GALNTL6: variants seen among roughly 807,000 people sequenced by gnomAD.
GALNTL6 encodes polypeptide N-acetylgalactosaminyltransferase like 6.
A neutral mutation model predicts 73.7 loss-of-function variants in GALNTL6; 46 were observed. The ratio of observed to expected loss-of-function variants is 0.62; its 90% confidence interval spans 0.49 to 0.80. The LOEUF (loss-of-function observed/expected upper bound fraction) is 0.80, where lower values mean the gene tolerates loss of function less well. Ranked by LOEUF, GALNTL6 falls within the 30% of genes least tolerant of loss-of-function variation. The probability of loss-of-function intolerance (pLI) is 0.00; values close to 1 mark genes in which losing one functional copy is unlikely to be tolerated. For missense variants in GALNTL6, 604 were observed against 755.0 expected (o/e 0.80, Z 2.34); for synonymous variants, 259 against 263.7 (o/e 0.98, Z 0.17).
chr4:171,846,147 T>C (rs1270765584), intron 2 of GALNTL6, among the ~76,000 whole-genome samples: 3 of 152,216 alleles, frequency 2.0e-5, no homozygotes, highest in South Asian at 4.1e-4. Context: ...TTTCCCATCA[T>C]GTCAGTATAG....
chr4:172,727,811 T>A (rs988162969), intron 5 of GALNTL6, among the ~76,000 whole-genome samples: 5 of 151,900 alleles, frequency 3.3e-5, no homozygotes, highest in Non-Finnish European at 7.4e-5. Flanking sequence ...AAAATGTTTT[T>A]AAATATTTTT....
intron 7 of GALNTL6, among the ~76,000 whole-genome samples, chr4:172,878,496 G>T (rs1745298059): frequency 1.3e-5 from 2 of 151,748 alleles, no homozygotes; most frequent in Non-Finnish European, 3.0e-5. Flanking sequence ...TGGGGGAAGA[G>T]AAATAGAGCC....
chr4:172,972,982 C>T (rs923339339), intron 10 of GALNTL6, among the ~76,000 whole-genome samples: 3 of 152,172 alleles, frequency 2.0e-5, no homozygotes, highest in African/African-American at 7.2e-5. Context: ...TAAAGGGAAA[C>T]AAGCATTTGT....
intron 5 of GALNTL6, among the ~76,000 whole-genome samples, chr4:172,363,351 T>C (rs1421348700): frequency 6.6e-6 from 1 of 152,174 alleles, no homozygotes; most frequent in Non-Finnish European, 1.5e-5. Context: ...ACCTGCCACG[T>C]CAGGCTACGC....
rs116185561 is a variant in GALNTL6, at chr4:172,268,257, C to T, written c.247+38493C>T. On this transcript the variant is annotated intron_variant, in intron 3 of 12. Transcript: ENST00000506823. The stretch of plus-strand genomic sequence containing the variant: ...CAAGTTGGTTTATCTGGGAAGCTGA[C>T]TGAGAGAAAGATTGGCATGCAGGAG... Among the ~76,000 whole-genome samples the T allele has an allele frequency of 2.7e-3, 413 of 152,250 alleles. 2 individuals carry two copies. Among genetic ancestry groups the T allele is most frequent in the African/African-American group, 9.4e-3 (391 of 41,548 alleles).
chr4:171,870,444 C>G (rs970199152), intron 2 of GALNTL6, among the ~76,000 whole-genome samples: 3 of 152,210 alleles, frequency 2.0e-5, no homozygotes, highest in African/African-American at 7.2e-5. Flanking sequence ...CAAACATAAG[C>G]TCCTATCTAG....
chr4:172,081,955 C>A (rs1450750848), intron 2 of GALNTL6, among the ~76,000 whole-genome samples: 2 of 151,496 alleles, frequency 1.3e-5, no homozygotes, highest in African/African-American at 4.9e-5. Flanking sequence ...CTGCTCACTG[C>A]AATCTCTGCC....
chr4:171,848,341 T>C (rs1278147531), intron 2 of GALNTL6, among the ~76,000 whole-genome samples: 1 of 152,164 alleles, frequency 6.6e-6, no homozygotes, highest in Admixed American at 6.5e-5. Flanking sequence ...ACAGTCAGAG[T>C]AGATTCAGTG....
chr4:172,550,400 C>T (rs1383679736), intron 5 of GALNTL6, among the ~76,000 whole-genome samples: 1 of 152,092 alleles, frequency 6.6e-6, no homozygotes, highest in Non-Finnish European at 1.5e-5. Context: ...ATAGTTTCCT[C>T]ATTAGTGAGT....
rs529357911 is a variant in GALNTL6 at position 172,773,360 on chromosome 4, C to T, written c.554-36001C>T. Among the ~76,000 whole-genome samples the T allele has an allele frequency of 2.6e-5, 4 of 152,254 alleles. No homozygotes were observed. The East Asian group carries it at 7.7e-4, about 29-fold the overall frequency. ...GAATTATAGGTATGAGCCACCACACCTAGCTTGCTCCAGGGGAAATTATTA... is the reference window on the plus strand; with the variant it reads ...GAATTATAGGTATGAGCCACCACACTTAGCTTGCTCCAGGGGAAATTATTA... On this transcript the variant is annotated intron_variant, in intron 5 of 12. Transcript: ENST00000506823.
intron 2 of GALNTL6, among the ~76,000 whole-genome samples, chr4:172,086,494 TAAACTTTATTCCTAAAGTTTATTCC>T (rs1732037707): frequency 2.0e-5 from 3 of 152,056 alleles, no homozygotes; most frequent in Non-Finnish European, 4.4e-5. Flanking sequence ...TTTATTGTTA[TAAACTTTATTCCTAAAGTTTATTCC>T]TATAAACTTT....
At chr4:172,847,798 T>A (rs1275351309) in intron 7 of GALNTL6, among the ~76,000 whole-genome samples, 1 of 152,164 alleles carries the variant, frequency 6.6e-6, no homozygotes, top group Non-Finnish European at 1.5e-5. Flanking sequence ...AGGACATCTA[T>A]GTAAATCAGT....
At chr4:172,237,227 T>C (rs1737273750) in intron 3 of GALNTL6, among the ~76,000 whole-genome samples, 1 of 152,188 alleles carries the variant, frequency 6.6e-6, no homozygotes. Flanking sequence ...TTTGGGTGTA[T>C]ACCCAATAAT....
At chr4:171,827,346 G>T (rs1734850574) in intron 2 of GALNTL6, among the ~76,000 whole-genome samples, 1 of 152,104 alleles carries the variant, frequency 6.6e-6, no homozygotes, top group Non-Finnish European at 1.5e-5. Context: ...GGTAGAAGTT[G>T]CAACCGCATG....
At chr4:172,832,060 G>A (rs1026409254) in intron 7 of GALNTL6, among the ~76,000 whole-genome samples, 1 of 152,140 alleles carries the variant, frequency 6.6e-6, no homozygotes, top group African/African-American at 2.4e-5. Context: ...TGAGTCGGGA[G>A]CCATCACAGC....
intron 5 of GALNTL6, among the ~76,000 whole-genome samples, chr4:172,467,285 G>T (rs1226562983): frequency 2.0e-5 from 3 of 152,172 alleles, no homozygotes; most frequent in Non-Finnish European, 4.4e-5. Context: ...ATTAGCTACT[G>T]CATAAAAGCC....
Position 172,004,279 on chromosome 4 carries a change from AG to A in GALNTL6, c.138+189564del, listed in dbSNP as rs1187227538. On this transcript the variant is annotated intron_variant, in intron 2 of 12. Transcript: ENST00000506823. The stretch of plus-strand genomic sequence containing the variant: ...TTCCTTTTCTGATGGGTGAGAAGGG[AG>A]GGAACCTTTCAGAAAGAGTGACAAT... 2.6e-5 allele frequency among the ~76,000 whole-genome samples: 4 copies of A among 152,150 alleles called. No homozygotes were observed. The South Asian group carries it at 6.2e-4, about 24-fold the overall frequency.
intron 2 of GALNTL6, among the ~76,000 whole-genome samples, chr4:172,015,015 A>G (rs1044185065): frequency 2.0e-5 from 3 of 152,116 alleles, no homozygotes; most frequent in Non-Finnish European, 4.4e-5. Flanking sequence ...GATGAAAGGA[A>G]TGTATAATCT....
chr4:172,643,203 C>G (rs1740070646), intron 5 of GALNTL6, among the ~76,000 whole-genome samples: 1 of 151,844 alleles, frequency 6.6e-6, no homozygotes, highest in South Asian at 2.1e-4. Context: ...TAGATGAGGT[C>G]TCTGACAACT....
Sources: gnomAD v4.1 joint callset for allele counts (sites outside exome capture counted in the v4.1 genomes callset) on GRCh38, gnomAD v4.1.1 for gene constraint, MANE v1.5 for transcripts, NCBI Gene and HGNC (gene_info 2026-07-23, HGNC 2026-07-21) for gene names.